Variants in TRAPPC12 observed in about 807,000 individuals in gnomAD.
TRAPPC12 encodes trafficking protein particle complex subunit 12.
In TRAPPC12, 61 loss-of-function variants were observed where a neutral mutation model predicts 69.2. The ratio of observed to expected loss-of-function variants is 0.88; its 90% CI spans 0.72 to 1.09. The LOEUF (loss-of-function observed/expected upper bound fraction) is 1.09, where lower values mean the gene tolerates loss of function less well. Ranked by LOEUF, TRAPPC12 falls within the 50% of genes least tolerant of loss-of-function variation. TRAPPC12 has a pLI of 0.00. For synonymous variants in TRAPPC12, 469 were observed against 438.9 expected (o/e 1.07, Z -0.86); for missense variants, 1,101 against 1,016.4 (o/e 1.08, Z -1.13).
chr2:3,403,211 C>T (rs1661548530), intron 3 of TRAPPC12, among the ~76,000 whole-genome samples: 1 of 150,128 alleles, frequency 6.7e-6, no homozygotes, highest in Admixed American at 6.6e-5. Flanking sequence ...TCTTCTGCAC[C>T]GGGCTTCAGA....
At chr2:3,380,308 T>A (rs950775850) in intron 1 of TRAPPC12, among the ~76,000 whole-genome samples, 1 of 152,144 alleles carries the variant, frequency 6.6e-6, no homozygotes, top group Non-Finnish European at 1.5e-5. Context: ...ACTAATGACC[T>A]GCCCTGCCAA....
chr2:3,409,445 A>G (rs1275664065), intron 3 of TRAPPC12, among the ~76,000 whole-genome samples: 3 of 152,176 alleles, frequency 2.0e-5, no homozygotes, highest in Non-Finnish European at 4.4e-5. Flanking sequence ...TTTCTAAATG[A>G]TTATACAAAG....
At chr2:3,424,428 T>C (rs1429176912) in intron 4 of TRAPPC12, 97 bp from the exon 5 acceptor site, 1 of 1,037,140 alleles carries the variant, frequency 9.6e-7, no homozygotes, top group East Asian at 2.6e-5. Flanking sequence ...TTTTAATATA[T>C]GAGAAATTAA....
In TRAPPC12 at chr2:3,383,871, G is replaced by GTTTTTTTTTTTTTTTT. The variant is rs34956958; in HGVS notation, c.-4-3723_-4-3708dup. Among the ~76,000 whole-genome samples, 35 of 85,596 alleles carry GTTTTTTTTTTTTTTTT rather than the reference G, an allele frequency of 4.1e-4. 7 individuals carry two copies. Among genetic ancestry groups the GTTTTTTTTTTTTTTTT allele is most frequent in the East Asian group, 7.4e-4 (2 of 2,694 alleles). 56.2% of individuals were successfully genotyped at this position (85,596 alleles called of 152,430 possible). A position where few individuals can be genotyped will look rare whatever the true frequency, so the allele number is the denominator to read the frequency against. ...TATTCCCTTGTGATAGTTCAGTCTT[G>GTTTTTTTTTTTTTTTT]TTTTTTTTTTTTTTTTTTTTTTTTT... On this transcript the variant is annotated intron_variant, in intron 1 of 11. Transcript: ENST00000324266.
intron 2 of TRAPPC12, among the ~76,000 whole-genome samples, chr2:3,400,421 G>A (rs1166392314): frequency 2.0e-5 from 3 of 151,950 alleles, no homozygotes; most frequent in Non-Finnish European, 4.4e-5. Flanking sequence ...GCGTTTCAGG[G>A]ACCTCAGCGC....
At chr2:3,451,405 T>C (rs1425863494) in intron 6 of TRAPPC12, among the ~76,000 whole-genome samples, 1 of 152,226 alleles carries the variant, frequency 6.6e-6, no homozygotes, top group Non-Finnish European at 1.5e-5. Flanking sequence ...TCTGTTATTT[T>C]CTCCAAACTC....
chr2:3,389,742 G>GTCCTA, intron 2 of TRAPPC12: 4 of 471,088 alleles, frequency 8.5e-6, no homozygotes, highest in Non-Finnish European at 1.8e-5. Context: ...TTCTTGTCCT[G>GTCCTA]CCTCCAAGAA....
intron 1 of TRAPPC12, among the ~76,000 whole-genome samples, chr2:3,386,190 T>C (rs1170729755): frequency 6.6e-6 from 1 of 152,192 alleles, no homozygotes; most frequent in African/African-American, 2.4e-5. Context: ...GGTAGTCTTA[T>C]CTAGAGATCA....
At chr2:3,400,947 C>T (rs934894813) in intron 2 of TRAPPC12, among the ~76,000 whole-genome samples, 1 of 152,244 alleles carries the variant, frequency 6.6e-6, no homozygotes, top group African/African-American at 2.4e-5. Context: ...TGTTCTCCCT[C>T]CCCTTGCCCT....
intron 1 of TRAPPC12, among the ~76,000 whole-genome samples, chr2:3,385,770 C>A (rs549927154): frequency 1.3e-5 from 2 of 152,142 alleles, no homozygotes; most frequent in African/African-American, 2.4e-5. Flanking sequence ...AAATAAAATA[C>A]GCAGACCACG....
At chr2:3,443,264 G>T (rs867159429) in intron 5 of TRAPPC12, among the ~76,000 whole-genome samples, 1 of 152,220 alleles carries the variant, frequency 6.6e-6, no homozygotes, top group African/African-American at 2.4e-5. Flanking sequence ...CATCCCCAGG[G>T]CCGAGGCCTG....
intron 3 of TRAPPC12, among the ~76,000 whole-genome samples, chr2:3,421,161 A>G (rs1662760559): frequency 1.3e-5 from 2 of 152,214 alleles, no homozygotes; most frequent in Admixed American, 6.5e-5. Flanking sequence ...AGCTTCTTAA[A>G]AGGTTTAAAC....
intron 5 of TRAPPC12, among the ~76,000 whole-genome samples, chr2:3,439,016 T>C (rs1355037522): frequency 6.6e-6 from 1 of 152,192 alleles, no homozygotes; most frequent in Non-Finnish European, 1.5e-5. Flanking sequence ...CTTGTAAATA[T>C]CTGCCAAGCA....
At chr2:3,385,739 C>T (rs1359844706) in intron 1 of TRAPPC12, among the ~76,000 whole-genome samples, 1 of 152,336 alleles carries the variant, frequency 6.6e-6, no homozygotes, top group South Asian at 2.1e-4. Context: ...TAGCTTATAT[C>T]GAAATCAATT....
intron 5 of TRAPPC12, among the ~76,000 whole-genome samples, chr2:3,442,195 G>T (rs1309421828): frequency 6.6e-6 from 1 of 152,048 alleles, no homozygotes; most frequent in Non-Finnish European, 1.5e-5. Flanking sequence ...AACTGAGATC[G>T]GAGTATTAAC....
chr2:3,478,773 C>G, intron 10 of TRAPPC12, 73 bp from the exon 11 acceptor site: 1 of 1,346,268 alleles, frequency 7.4e-7, no homozygotes, highest in Non-Finnish European at 1.1e-6. Flanking sequence ...GATCCAAAGC[C>G]CCTGTGGGTT....
intron 2 of TRAPPC12, among the ~76,000 whole-genome samples, chr2:3,397,006 A>C (rs1368353174): frequency 2.6e-5 from 4 of 152,218 alleles, no homozygotes; most frequent in Non-Finnish European, 5.9e-5. Context: ...AAAGAAAGAA[A>C]AGAAAAGAAA....
chr2:3,381,262 C>G (rs932434534), intron 1 of TRAPPC12, among the ~76,000 whole-genome samples: 2 of 152,206 alleles, frequency 1.3e-5, no homozygotes, highest in Non-Finnish European at 1.5e-5. Flanking sequence ...TTCCACTACA[C>G]ACCCTCGTGC....
intron 6 of TRAPPC12, 119 bp downstream of exon 6, chr2:3,444,010 C>T (rs919042242): frequency 4.2e-6 from 3 of 715,640 alleles, no homozygotes; most frequent in Non-Finnish European, 4.7e-6. Flanking sequence ...GCTGCTTCTG[C>T]CTTCAGAAGG....
Sources: gnomAD v4.1 joint callset for allele counts (sites outside exome capture counted in the v4.1 genomes callset) on GRCh38, gnomAD v4.1.1 for gene constraint, MANE v1.5 for transcripts, NCBI Gene and HGNC (gene_info 2026-07-23, HGNC 2026-07-21) for gene names.